Variants in PRKN observed in about 807,000 individuals in gnomAD.
The protein encoded by PRKN is parkin RBR E3 ubiquitin protein ligase.
Under a neutral mutation model 59.5 loss-of-function variants are expected in PRKN, and 56 were observed. The ratio of observed to expected loss-of-function variants is 0.94; its 90% CI spans 0.76 to 1.18. PRKN has a LOEUF of 1.18. Among genes scored for constraint, PRKN ranks in the 50% most tolerant of loss-of-function variants. PRKN has a pLI of 0.00. For missense variants in PRKN, 657 were observed against 596.4 expected (o/e 1.10, Z -1.06); for synonymous variants, 250 against 222.1 (o/e 1.13, Z -1.12).
At chr6:161,795,197 T>C (rs57751791) in intron 6 of PRKN, among the ~76,000 whole-genome samples, 2 of 150,816 alleles carry the variant, frequency 1.3e-5, no homozygotes, top group African/African-American at 4.9e-5. Context: ...CTTAGTATTA[T>C]TACATGTTAT....
In PRKN at chr6:162,235,283, G is replaced by A. The variant is rs567128922; in HGVS notation, c.412+27242C>T. 1.5e-4 allele frequency among the ~76,000 whole-genome samples: 23 copies of A among 152,168 alleles called. No individual in the cohort carries two copies. In the East Asian group the frequency reaches 3.7e-3, roughly 24 times the overall value. On this transcript the variant is annotated intron_variant, in intron 3 of 11. Transcript: ENST00000366898. ...TGTGTAATAATTACATTGCCTTATT[G>A]TTTTTTAGCCAGGTAATATTCTTAT... is the stretch of plus-strand genomic sequence containing the variant.
chr6:161,901,752 T>C (rs1384413911), intron 6 of PRKN, among the ~76,000 whole-genome samples: 1 of 152,218 alleles, frequency 6.6e-6, no homozygotes, highest in African/African-American at 2.4e-5. Flanking sequence ...TCATCGTGGC[T>C]GCAGGAAAGA....
intron 7 of PRKN, among the ~76,000 whole-genome samples, chr6:161,622,191 G>A (rs985778163): frequency 1.3e-5 from 2 of 152,154 alleles, no homozygotes; most frequent in Non-Finnish European, 2.9e-5. Flanking sequence ...AGCTGCTGCA[G>A]TAGTGGTCTC....
At chr6:162,053,464 C>CA (rs1777731612) in intron 5 of PRKN, among the ~76,000 whole-genome samples, 1 of 152,040 alleles carries the variant, frequency 6.6e-6, no homozygotes, top group African/African-American at 2.4e-5. Flanking sequence ...ACCATAATAA[C>CA]AAAATTAACT....
At position 161,672,767 on chromosome 6, in the gene PRKN, C is replaced by G. The variant is rs114104273; in HGVS notation, c.872-103351G>C. The stretch of plus-strand genomic sequence containing the variant: ...CTCCAGCCTGGGTGACAGAGCAAGA[C>G]TCCATTACACAAAACAAAACAAAAC... On this transcript the variant is annotated intron_variant, in intron 7 of 11. Transcript: ENST00000366898. Among the ~76,000 whole-genome samples the G allele has an allele frequency of 6.0e-3, 905 of 152,074 alleles. 8 individuals are homozygous for G. The highest frequency in any genetic ancestry group is 0.021 in the African/African-American group (868 of 41,500).
intron 7 of PRKN, among the ~76,000 whole-genome samples, chr6:161,679,474 T>C (rs1785218326): frequency 6.6e-6 from 1 of 151,566 alleles, no homozygotes; most frequent in Non-Finnish European, 1.5e-5. Context: ...GGGAATGTCC[T>C]AGTTAGGCCT....
chr6:161,485,539 C>T (rs1054777955), intron 9 of PRKN, among the ~76,000 whole-genome samples: 4 of 152,146 alleles, frequency 2.6e-5, no homozygotes, highest in African/African-American at 4.8e-5. Context: ...TTTTCATCCC[C>T]TCCCAAACCA....
At chr6:162,020,332 C>CAAAAAAAAAAAAAAAAAAAAA (rs771141235) in intron 5 of PRKN, among the ~76,000 whole-genome samples, 25 of 45,506 alleles carry the variant, frequency 5.5e-4, no homozygotes, top group South Asian at 2.1e-3. Context: ...ACCAATGAAT[C>CAAAAAAAAAAAAAAAAAAAAA]AAAAAAAAAA....
chr6:162,182,998 A>T (rs1328552889), intron 4 of PRKN, among the ~76,000 whole-genome samples: 1 of 151,826 alleles, frequency 6.6e-6, no homozygotes, highest in East Asian at 1.9e-4. Flanking sequence ...TTTTCTGCCG[A>T]TTTGAAGAAA....
intron 6 of PRKN, among the ~76,000 whole-genome samples, chr6:161,904,861 A>C (rs2128235858): frequency 1.3e-5 from 2 of 152,214 alleles, no homozygotes; most frequent in South Asian, 4.2e-4. Flanking sequence ...AGGCAAGGGA[A>C]TGGGAGGTCT....
At chr6:162,105,162 A>T (rs1207877131) in intron 4 of PRKN, among the ~76,000 whole-genome samples, 2 of 152,196 alleles carry the variant, frequency 1.3e-5, no homozygotes, top group Non-Finnish European at 2.9e-5. Flanking sequence ...CTAAACGGGG[A>T]TAGAAAATCT....
At chr6:162,120,410 A>G (rs1056805289) in intron 4 of PRKN, among the ~76,000 whole-genome samples, 1 of 152,218 alleles carries the variant, frequency 6.6e-6, no homozygotes, top group African/African-American at 2.4e-5. Context: ...CATCACAGGT[A>G]GGTATTGCAA....
rs1006926568 is a variant in PRKN, at chr6:161,385,693, C to T, written c.1167+1101G>A. Among the ~76,000 whole-genome samples the T allele has an allele frequency of 6.6e-6, 1 of 152,138 alleles. No homozygotes were observed. The highest frequency in any genetic ancestry group is 2.4e-5 in the African/African-American group (1 of 41,444). ...CCGTTTCCCAGAGCCTCAGGTATAC[C>T]CGCCTCCATTACAGCGGTCCTGAGG... On this transcript the variant is annotated intron_variant, in intron 10 of 11. Coordinates refer to ENST00000366898, the MANE Select transcript of PRKN (RefSeq NM_004562.3). This position sits in a 1 kb window ranked among gnomAD's most constrained non-coding sequence, Gnocchi z 4.9.
intron 4 of PRKN, among the ~76,000 whole-genome samples, chr6:162,087,551 G>C (rs1779294137): frequency 6.6e-6 from 1 of 151,400 alleles, no homozygotes; most frequent in Admixed American, 6.6e-5. Flanking sequence ...GCTTCAAGTG[G>C]GTGAGTGGAG....
In PRKN at chr6:161,388,765, C is replaced by A. The variant is rs62435887; in HGVS notation, c.1084-1888G>T. On this transcript the variant is annotated intron_variant, in intron 9 of 11. Coordinates refer to ENST00000366898, the MANE Select transcript of PRKN (RefSeq NM_004562.3). The surrounding 1 kb of genome is among the most constrained non-coding windows in gnomAD (Gnocchi z 4.3). ...CCATATGGTAAGGAAGCTCAACAGC[C>A]CATGGGAGCCCCACATGGAGAAGAG... 6.6e-6 allele frequency among the ~76,000 whole-genome samples: 1 copy of A among 152,122 alleles called. No individual in the cohort carries two copies. The highest frequency in any genetic ancestry group is 1.9e-4 in the East Asian group (1 of 5,194).
intron 8 of PRKN, among the ~76,000 whole-genome samples, chr6:161,558,391 A>C (rs966187292): frequency 6.6e-6 from 1 of 151,708 alleles, no homozygotes; most frequent in Non-Finnish European, 1.5e-5. Context: ...GCAAGACCCC[A>C]TTTCGACAAA....
intron 4 of PRKN, among the ~76,000 whole-genome samples, chr6:162,063,219 T>C (rs1778176980): frequency 6.6e-6 from 1 of 152,080 alleles, no homozygotes. Context: ...AATTGTAAAA[T>C]AAGTAATCTC....
intron 2 of PRKN, among the ~76,000 whole-genome samples, chr6:162,331,360 C>T (rs1402162247): frequency 6.6e-6 from 1 of 152,172 alleles, no homozygotes; most frequent in Non-Finnish European, 1.5e-5. Context: ...TTTAACTTTC[C>T]TTTCAGGTCT....
At chr6:162,712,932 A>G (rs937513778) in intron 1 of PRKN, among the ~76,000 whole-genome samples, 3 of 152,212 alleles carry the variant, frequency 2.0e-5, no homozygotes, top group African/African-American at 7.2e-5. Flanking sequence ...CGGTTCCTCC[A>G]GAGTAAAACC....
Sources: allele counts gnomAD v4.1 joint callset (sites outside exome capture counted in the v4.1 genomes callset), GRCh38; gene constraint gnomAD v4.1.1; non-coding constraint Gnocchi (gnomAD v3.1); transcripts MANE v1.5; gene names NCBI Gene and HGNC (gene_info 2026-07-23, HGNC 2026-07-21).